ENTREP1: variants seen among roughly 807,000 people sequenced by gnomAD.
ENTREP1 encodes the protein Friedreich ataxia region gene X123.
chr9:69,383,689 T>C, the ENTREP1 span: 1 of 1,614,084 alleles, frequency 6.2e-7, no homozygotes, highest in South Asian at 1.1e-5. Flanking sequence ...ATCAAAGGTG[T>C]GGAAGTGTTC....
the ENTREP1 span, among the ~76,000 whole-genome samples, chr9:69,358,087 C>T: frequency 7.2e-5 from 11 of 152,140 alleles, no homozygotes; most frequent in Non-Finnish European, 1.5e-4. Flanking sequence ...AGCAAGACCA[C>T]ACAATTGTTC....
the ENTREP1 span, among the ~76,000 whole-genome samples, chr9:69,362,480 T>C: frequency 6.6e-6 from 1 of 152,180 alleles, no homozygotes. Flanking sequence ...AAAACATAAT[T>C]CGTTTTGCAT....
chr9:69,383,375 T>G, the ENTREP1 span: 2 of 1,269,290 alleles, frequency 1.6e-6, no homozygotes, highest in South Asian at 1.8e-5. Context: ...CTCTATGGAT[T>G]GTTTGCTTTT....
At chr9:69,342,600 A>T in the ENTREP1 span, among the ~76,000 whole-genome samples, 3 of 152,266 alleles carry the variant, frequency 2.0e-5, no homozygotes, top group African/African-American at 7.2e-5. Flanking sequence ...TCTCAGTCCT[A>T]TCAATTTCAA....
the ENTREP1 span, among the ~76,000 whole-genome samples, chr9:69,341,914 C>G: frequency 6.6e-6 from 1 of 151,908 alleles, no homozygotes; most frequent in African/African-American, 2.4e-5. Flanking sequence ...ACCCAAAAGT[C>G]AAGAGATTTT....
At chr9:69,381,520 G>A in the ENTREP1 span, 1,021 of 152,238 alleles carry the variant, frequency 6.7e-3, 3 homozygotes, top group Middle Eastern at 0.014. Context: ...TCCCACGATA[G>A]GCAATGAGAG....
the ENTREP1 span, among the ~76,000 whole-genome samples, chr9:69,377,103 A>G: frequency 6.6e-6 from 1 of 152,202 alleles, no homozygotes; most frequent in Non-Finnish European, 1.5e-5. Flanking sequence ...AAGAAATACT[A>G]TCATACCACG....
chr9:69,337,314 A>G, the ENTREP1 span, among the ~76,000 whole-genome samples: 2 of 152,040 alleles, frequency 1.3e-5, no homozygotes, highest in African/African-American at 2.4e-5. Flanking sequence ...GGACTCCTCT[A>G]TATTCTTTTG....
chr9:69,375,467 A>G, the ENTREP1 span, among the ~76,000 whole-genome samples: 9 of 152,242 alleles, frequency 5.9e-5, no homozygotes, highest in Admixed American at 5.9e-4. Context: ...TTAGTACTAA[A>G]CAGGATTAGT....
At chr9:69,385,449 C>A in the ENTREP1 span, among the ~76,000 whole-genome samples, 1 of 152,082 alleles carries the variant, frequency 6.6e-6, no homozygotes, top group Admixed American at 6.6e-5. Context: ...TGTCAGGGTG[C>A]TTTTCAGTAC....
the ENTREP1 span, chr9:69,325,068 A>T: frequency 4.1e-6 from 4 of 985,114 alleles, no homozygotes; most frequent in Non-Finnish European, 4.8e-6. Flanking sequence ...GGTGAGAGTG[A>T]GGGTGCGCCC....
the ENTREP1 span, among the ~76,000 whole-genome samples, chr9:69,367,856 TAC>T: frequency 5.8e-5 from 6 of 103,262 alleles, no homozygotes; most frequent in African/African-American, 3.1e-5. Context: ...TATAAATATA[TAC>T]ACACATATAT....
chr9:69,385,362 G>A, the ENTREP1 span, among the ~76,000 whole-genome samples: 9 of 152,092 alleles, frequency 5.9e-5, no homozygotes, highest in Admixed American at 3.3e-4. Context: ...TTAGCCTTCC[G>A]GGAGTTCTGC....
At chr9:69,347,913 C>G in the ENTREP1 span, among the ~76,000 whole-genome samples, 10 of 152,120 alleles carry the variant, frequency 6.6e-5, no homozygotes, top group African/African-American at 2.4e-4. Context: ...AAGACTGTTT[C>G]CTTTGCCAAG....
the ENTREP1 span, among the ~76,000 whole-genome samples, chr9:69,366,653 G>T: frequency 6.6e-6 from 1 of 151,920 alleles, no homozygotes; most frequent in East Asian, 1.9e-4. Context: ...TTTTCTTCTA[G>T]CAGTTTCCTA....
At chr9:69,358,055 G>A in the ENTREP1 span, among the ~76,000 whole-genome samples, 2 of 152,194 alleles carry the variant, frequency 1.3e-5, no homozygotes, top group Non-Finnish European at 2.9e-5. Flanking sequence ...GGACATACGT[G>A]TTAAATGGCA....
the ENTREP1 span, among the ~76,000 whole-genome samples, chr9:69,368,701 G>A: frequency 2.0e-5 from 3 of 152,018 alleles, no homozygotes; most frequent in Non-Finnish European, 4.4e-5. Flanking sequence ...CAATTTTTTG[G>A]AATAGCTTGA....
the ENTREP1 span, chr9:69,329,255 ATCT>A: frequency 1.2e-5 from 6 of 515,394 alleles, no homozygotes; most frequent in Non-Finnish European, 1.2e-5. Context: ...GAACCCACAC[ATCT>A]TCTTTAGGCT....
the ENTREP1 span, among the ~76,000 whole-genome samples, chr9:69,348,684 A>G: frequency 6.6e-6 from 1 of 152,236 alleles, no homozygotes; most frequent in Non-Finnish European, 1.5e-5. Context: ...ATTTCAAATA[A>G]ATGGAATCAT....
Sources: allele counts gnomAD v4.1 joint callset (sites outside exome capture counted in the v4.1 genomes callset), GRCh38; gene constraint gnomAD v4.1.1; transcripts MANE v1.5; gene names NCBI Gene and HGNC (gene_info 2026-07-23, HGNC 2026-07-21).